Variants in CDKL5 observed in about 807,000 individuals in gnomAD.
The protein encoded by CDKL5 is cyclin-dependent kinase-like 5.
CDKL5 carries 8 observed loss-of-function variants against 61.7 expected under a neutral mutation model. The observed-to-expected ratio is 0.13, with a 90% CI of 0.08 to 0.23. CDKL5 has a LOEUF of 0.23. CDKL5 is among the 10% of genes least tolerant of loss of function. The pLI, the probability that CDKL5 is intolerant of heterozygous loss-of-function variation, is 1.00. For missense variants in CDKL5, 440 were observed against 734.5 expected, an observed-to-expected ratio of 0.60 and a Z score of 4.63; for synonymous variants, 275 against 272.3, an observed-to-expected ratio of 1.01 and a Z score of -0.10.
At chrX:18,651,735 G>A (rs766322582) in intron 21 of CDKL5, among the ~76,000 whole-genome samples, 4 of 111,885 alleles carry the variant, frequency 3.6e-5, no homozygotes, top group Non-Finnish European at 5.7e-5. Context: ...GGGGCACTCC[G>A]GCTGGATTTC....
intron 12 of CDKL5, among the ~76,000 whole-genome samples, chrX:18,605,963 C>G (rs1490609333): frequency 8.9e-6 from 1 of 112,158 alleles, no homozygotes. Context: ...GCAGGCAGAT[C>G]ACGAGGTCAG....
chrX:18,595,623 A>G (rs1925966987), intron 10 of CDKL5, among the ~76,000 whole-genome samples, 195 bp downstream of exon 10: 1 of 112,135 alleles, frequency 8.9e-6, no homozygotes, highest in Non-Finnish European at 1.9e-5. Flanking sequence ...GTCACAGTCC[A>G]TCTAGACAGA....
chrX:18,522,052 A>AT (rs1262274218), intron 3 of CDKL5, among the ~76,000 whole-genome samples: 3 of 108,784 alleles, frequency 2.8e-5, no homozygotes, highest in African/African-American at 3.3e-5. Context: ...TGAATTTGAA[A>AT]TTTTTTTTTT....
chrX:18,620,247 TA>T (rs1463748111), intron 16 of CDKL5, among the ~76,000 whole-genome samples: 1 of 112,520 alleles, frequency 8.9e-6, no homozygotes, highest in Non-Finnish European at 1.9e-5. Flanking sequence ...GGGCTTATAT[TA>T]ATGTAAAAAC....
chrX:18,537,121 T>A (rs1233927553), intron 3 of CDKL5, among the ~76,000 whole-genome samples: 1 of 110,523 alleles, frequency 9.0e-6, no homozygotes, highest in East Asian at 2.9e-4. Context: ...GCTGTGACAG[T>A]TTAAACAGTC....
rs139140279 is a variant in CDKL5 at position 18,519,656 on chromosome X, C to T, written c.99+8802C>T. On this transcript the variant is annotated intron_variant, in intron 3 of 17. Transcript: ENST00000623535. ...TACAGAGACGCATATAGTCTATTTA[C>T]CTTCTGTCACATCACTGGCCTGCAT... Among the ~76,000 whole-genome samples the T allele has an allele frequency of 7.9e-3, 878 of 111,452 alleles. 7 individuals are homozygous for T. Among genetic ancestry groups the T allele is most frequent in the African/African-American group, 0.027 (833 of 30,640 alleles).
intron 1 of CDKL5, among the ~76,000 whole-genome samples, chrX:18,471,896 C>A (rs968885029): frequency 2.7e-5 from 3 of 110,187 alleles, no homozygotes; most frequent in Non-Finnish European, 5.7e-5. Flanking sequence ...GGCACCACCA[C>A]GCCTTGCTAA....
At chrX:18,598,927 T>C (rs942523476) in intron 11 of CDKL5, among the ~76,000 whole-genome samples, 1 of 111,604 alleles carries the variant, frequency 9.0e-6, no homozygotes, top group African/African-American at 3.3e-5. Context: ...CCATCAGTGA[T>C]ACCCGGAGGA....
At chrX:18,595,501 T>C (rs1925963270) in intron 10 of CDKL5, 73 bp downstream of exon 10, 1 of 663,315 alleles carries the variant, frequency 1.5e-6, no homozygotes, top group African/African-American at 2.1e-5. Context: ...CATGTGACCA[T>C]AGCCTGCTTT....
chrX:18,545,993 T>G (rs933770044), intron 3 of CDKL5, among the ~76,000 whole-genome samples: 31 of 111,381 alleles, frequency 2.8e-4, no homozygotes, highest in Non-Finnish European at 5.6e-4. Flanking sequence ...CCTACTCTAG[T>G]GAGTCCTGTT....
chrX:18,518,506 G>A (rs1314420070), intron 3 of CDKL5, among the ~76,000 whole-genome samples: 5 of 95,889 alleles, frequency 5.2e-5, no homozygotes, highest in Non-Finnish European at 8.1e-5. Context: ...CCGGGTTCAA[G>A]TGATTCTCCT....
Position 18,458,275 on chromosome X carries a change from C to T in CDKL5, c.-163+32580C>T, listed in dbSNP as rs191357366. On this transcript the variant is annotated intron_variant, in intron 1 of 17. Coordinates refer to ENST00000623535, the MANE Select transcript of CDKL5 (RefSeq NM_001323289.2). ...AGAGCTGTTAAAGTGATGCTGCTTA[C>T]AACTAGTAGTTGTAACTATAGTATA... is the stretch of plus-strand genomic sequence containing the variant. Among the ~76,000 whole-genome samples, 16 of 110,308 alleles carry T rather than the reference C, an allele frequency of 1.5e-4. No homozygotes were observed. In the Admixed American group the frequency reaches 1.6e-3, roughly 11 times the overall value.
intron 7 of CDKL5, among the ~76,000 whole-genome samples, chrX:18,583,485 T>C (rs1009498719): frequency 3.6e-5 from 4 of 112,245 alleles, no homozygotes; most frequent in African/African-American, 1.3e-4. Flanking sequence ...TTTTACCGTT[T>C]CATTTTAAGA....
At chrX:18,617,374 C>G (rs1182846541) in intron 15 of CDKL5, among the ~76,000 whole-genome samples, 1 of 111,975 alleles carries the variant, frequency 8.9e-6, no homozygotes, top group African/African-American at 3.3e-5. Context: ...ATTTACCCTT[C>G]TTTTGTGCTG....
In CDKL5 at chrX:18,638,703, C is replaced by A. The variant is rs2147185977; in HGVS notation, c.*9946C>A. Among the ~76,000 whole-genome samples the A allele has an allele frequency of 8.9e-6, 1 of 112,359 alleles. No homozygotes were observed. Among genetic ancestry groups the A allele is most frequent in the Admixed American group, 9.4e-5 (1 of 10,608 alleles). ...TCCAATGTGAAATCCCAGCTGGCTTCTTTGCAATGATGGACAAGTTAGTTA... is the reference window on the plus strand; with the variant it reads ...TCCAATGTGAAATCCCAGCTGGCTTATTTGCAATGATGGACAAGTTAGTTA... On this transcript the variant is annotated 3_prime_UTR_variant, in exon 18 of 18. Transcript: ENST00000623535.
At chrX:18,545,828 A>AT (rs1459957079) in intron 3 of CDKL5, among the ~76,000 whole-genome samples, 4 of 111,847 alleles carry the variant, frequency 3.6e-5, no homozygotes, top group Non-Finnish European at 5.6e-5. Context: ...TCTGAGGCAG[A>AT]TTTTTTTTCA....
chrX:18,609,050 T>C (rs1926457224), intron 13 of CDKL5, 138 bp downstream of exon 13: 2 of 508,288 alleles, frequency 3.9e-6, no homozygotes, highest in Non-Finnish European at 6.7e-6. Flanking sequence ...GTGGCATAAT[T>C]CTGAGTTTTC....
intron 1 of CDKL5, among the ~76,000 whole-genome samples, chrX:18,494,760 A>G (rs1922110723): frequency 8.9e-6 from 1 of 112,415 alleles, no homozygotes; most frequent in African/African-American, 3.2e-5. Flanking sequence ...TGAAATTTTT[A>G]TGCTAGTAAA....
intron 1 of CDKL5, among the ~76,000 whole-genome samples, chrX:18,474,283 A>G (rs773303174): frequency 5.4e-5 from 6 of 111,705 alleles, no homozygotes; most frequent in African/African-American, 1.9e-4. Context: ...GAGATTATTC[A>G]TGGTATAGTA....
Sources: allele counts gnomAD v4.1 joint callset (sites outside exome capture counted in the v4.1 genomes callset), GRCh38; gene constraint gnomAD v4.1.1; transcripts MANE v1.5; gene names NCBI Gene and HGNC (gene_info 2026-07-23, HGNC 2026-07-21).